The following HESX1 variants were observed in gnomAD, a reference collection of about 807,000 sequenced individuals.
The protein encoded by HESX1 is homeobox expressed in ES cells 1.
A neutral mutation model predicts 22.5 loss-of-function variants in HESX1; 11 were observed. The ratio of observed to expected loss-of-function variants is 0.49; its 90% CI spans 0.31 to 0.81. The LOEUF is 0.81. HESX1 is among the 30% of genes least tolerant of loss of function. The pLI, the probability that HESX1 is intolerant of heterozygous loss-of-function variation, is 0.05. For missense variants in HESX1, 201 were observed against 212.6 expected (o/e 0.95, Z 0.34); for synonymous variants, 74 against 76.5 (o/e 0.97, Z 0.17).
At chr3:57,222,812 G>C (rs1221354549) in intron 1 of HESX1, among the ~76,000 whole-genome samples, 2 of 151,966 alleles carry the variant, frequency 1.3e-5, no homozygotes, top group Non-Finnish European at 2.9e-5. Flanking sequence ...TGAAATTTTG[G>C]TTTTGGCCTC....
At chr3:57,201,893 A>ATCTATCTT (rs1553632858), upstream of HESX1, among the ~76,000 whole-genome samples, 2 of 149,590 alleles carry the variant, frequency 1.3e-5, no homozygotes, top group Non-Finnish European at 2.9e-5. Context: ...CTATCTATCT[A>ATCTATCTT]TCTATCTATC....
At chr3:57,206,028 T>G (rs1245410416) in intron 1 of HESX1, among the ~76,000 whole-genome samples, 1 of 151,936 alleles carries the variant, frequency 6.6e-6, no homozygotes, top group Non-Finnish European at 1.5e-5. Context: ...GTGTTTCTAT[T>G]AAAAATAGGA....
chr3:57,200,145 G>A (rs1479764758), upstream of HESX1: 6 of 528,608 alleles, frequency 1.1e-5, no homozygotes, highest in Non-Finnish European at 1.7e-5. Context: ...CAAGTAATTA[G>A]CAACTAATGG....
At chr3:57,199,063 T>A in intron 1 of HESX1, 111 bp from the exon 2 acceptor site, 1 of 1,038,092 alleles carries the variant, frequency 9.6e-7, no homozygotes, top group Non-Finnish European at 1.5e-6. Context: ...AATTCTGGGG[T>A]TCACAAGAGA....
At chr3:57,199,379 G>A (rs568658621) in intron 1 of HESX1, among the ~76,000 whole-genome samples, 1 of 152,270 alleles carries the variant, frequency 6.6e-6, no homozygotes, top group Non-Finnish European at 1.5e-5. Flanking sequence ...AACACTTTGG[G>A]AGGCTGAGGC....
At chr3:57,213,717 G>A (rs1373320737) in intron 1 of HESX1, among the ~76,000 whole-genome samples, 1 of 152,174 alleles carries the variant, frequency 6.6e-6, no homozygotes, top group African/African-American at 2.4e-5. Context: ...GCGAGGTCAG[G>A]AGTTCAAGAC....
At chr3:57,204,506 G>T (rs115113052), upstream of HESX1, among the ~76,000 whole-genome samples, 440 of 152,312 alleles carry the variant, frequency 2.9e-3, 5 homozygotes, top group African/African-American at 9.6e-3. Flanking sequence ...GAAAGCCTGG[G>T]CTAGGGAAGG....
upstream of HESX1, among the ~76,000 whole-genome samples, chr3:57,203,634 A>G (rs1406614291): frequency 6.6e-6 from 1 of 152,082 alleles, no homozygotes; most frequent in Non-Finnish European, 1.5e-5. Context: ...TGCTCACTGC[A>G]ACCTCTACCA....
At chr3:57,212,797 T>C (rs2060563023) in intron 1 of HESX1, among the ~76,000 whole-genome samples, 1 of 150,416 alleles carries the variant, frequency 6.6e-6, no homozygotes, top group South Asian at 2.1e-4. Context: ...TATGCACATA[T>C]TTTTTTTTAT....
intron 1 of HESX1, among the ~76,000 whole-genome samples, chr3:57,220,488 G>A (rs565386482): frequency 4.6e-5 from 7 of 152,138 alleles, no homozygotes; most frequent in South Asian, 2.1e-4. Flanking sequence ...GGAGTGCAGC[G>A]GTGCGATCTT....
chr3:57,202,597 A>T (rs141791140), upstream of HESX1, among the ~76,000 whole-genome samples: 2 of 152,162 alleles, frequency 1.3e-5, no homozygotes, highest in African/African-American at 4.8e-5. Flanking sequence ...TCGGCCTCCT[A>T]AAGTGGTGGG....
chr3:57,212,548 ACT>A (rs2060561154), intron 1 of HESX1, among the ~76,000 whole-genome samples: 2 of 121,108 alleles, frequency 1.7e-5, no homozygotes, highest in South Asian at 6.4e-4. Context: ...ACAGAGCAAG[ACT>A]CTGTCTCAAA....
intron 1 of HESX1, among the ~76,000 whole-genome samples, chr3:57,212,243 C>G (rs113236221): frequency 3.3e-5 from 5 of 150,312 alleles, no homozygotes; most frequent in African/African-American, 1.3e-4. Context: ...AACCAAAAGA[C>G]AAATGCATTT....
intron 1 of HESX1, among the ~76,000 whole-genome samples, chr3:57,212,775 G>T (rs2060562817): frequency 6.6e-6 from 1 of 152,166 alleles, no homozygotes; most frequent in East Asian, 1.9e-4. Flanking sequence ...GACTTAAATA[G>T]GAGGATGCAC....
At chr3:57,220,517 C>T (rs1451984550) in intron 1 of HESX1, among the ~76,000 whole-genome samples, 1 of 152,100 alleles carries the variant, frequency 6.6e-6, no homozygotes, top group Non-Finnish European at 1.5e-5. Flanking sequence ...GCAACCTCTG[C>T]CCCCCAGGCT....
rs890299527 is a variant in HESX1, at chr3:57,199,084, G to A, written c.158-132C>T. The stretch of plus-strand genomic sequence containing the variant: ...GGGGTTCACAAGAGAATTGCACCCC[G>A]TTAACCAAAAACCAATAAAAAATGA... On this transcript the variant is annotated intron_variant, in intron 1 of 3. Coordinates refer to ENST00000295934, the MANE Select transcript of HESX1 (RefSeq NM_003865.3). 45 of 798,046 alleles carry A rather than the reference G, an allele frequency of 5.6e-5. No homozygotes were observed. The Admixed American group carries it at 1.0e-3, about 18-fold the overall frequency. 49.4% of individuals were successfully genotyped at this position (798,046 alleles called of 1,614,324 possible). A position where few individuals can be genotyped will look rare whatever the true frequency, so the allele number is the denominator to read the frequency against.
At position 57,216,533 on chromosome 3, in the gene HESX1, G is replaced by A. The variant is rs1395223425; in HGVS notation, c.-111+9763C>T. 2.0e-5 allele frequency among the ~76,000 whole-genome samples: 3 copies of A among 152,240 alleles called. No homozygotes were observed. The South Asian group carries it at 6.2e-4, about 32-fold the overall frequency. ...AGGCTGAGGTGGGAGGATCACCTGA[G>A]CCCAGGAGGTCGAGGCTGCAGTGAG... is the stretch of plus-strand genomic sequence containing the variant. On this transcript the variant is annotated intron_variant, in intron 1 of 2. Coordinates refer to the HESX1 transcript ENST00000495160.
chr3:57,219,375 CTTTTTT>C (rs1177953036), intron 1 of HESX1, among the ~76,000 whole-genome samples: 2 of 147,884 alleles, frequency 1.4e-5, no homozygotes, highest in African/African-American at 5.0e-5. Context: ...CCCACTTTTT[CTTTTTT>C]TTTTGAGACG....
At chr3:57,198,609 T>C in intron 2 of HESX1, 117 bp from the exon 3 acceptor site, 1 of 1,016,646 alleles carries the variant, frequency 9.8e-7, no homozygotes, top group African/African-American at 1.6e-5. Flanking sequence ...TAAAAATGAT[T>C]ACCTGGAAAT....
Sources: gnomAD v4.1 joint callset for allele counts (sites outside exome capture counted in the v4.1 genomes callset) on GRCh38, gnomAD v4.1.1 for gene constraint, MANE v1.5 for transcripts, NCBI Gene and HGNC (gene_info 2026-07-23, HGNC 2026-07-21) for gene names.